PDE4D: variants seen among roughly 807,000 people sequenced by gnomAD.
The protein encoded by PDE4D is 3',5'-cyclic-AMP phosphodiesterase 4D.
Under a neutral mutation model 87.4 loss-of-function variants are expected in PDE4D, and 24 were observed. That is an observed-to-expected ratio of 0.27 (90% CI 0.20 to 0.39). The LOEUF is 0.39. PDE4D is among the 10% of genes least tolerant of loss of function. The pLI, the probability that PDE4D is intolerant of heterozygous loss-of-function variation, is 1.00. For synonymous variants in PDE4D, 384 were observed against 383.2 expected (o/e 1.00, Z -0.02); for missense variants, 714 against 1,041.0 (o/e 0.69, Z 4.32).
In PDE4D at chr5:59,617,348, G is replaced by T. The variant is rs917768164; in HGVS notation, c.455+275820C>A. On this transcript the variant is annotated intron_variant, in intron 1 of 14. Coordinates refer to ENST00000340635, the MANE Select transcript of PDE4D (RefSeq NM_001104631.2). Reference sequence around the variant, plus strand: ...CTACAATGTGGACTCTAAAATAAGAGATTAAAAGCTAATATTGATCTATGA... The same window carrying T: ...CTACAATGTGGACTCTAAAATAAGATATTAAAAGCTAATATTGATCTATGA... Among the ~76,000 whole-genome samples the T allele has an allele frequency of 3.3e-5, 5 of 152,174 alleles. No individual in the cohort carries two copies. In the East Asian group the frequency reaches 9.7e-4, roughly 30 times the overall value.
chr5:60,252,046 C>T (rs1748532616), intron 1 of PDE4D, among the ~76,000 whole-genome samples: 2 of 152,044 alleles, frequency 1.3e-5, no homozygotes, highest in South Asian at 4.1e-4. Flanking sequence ...AGTGCAGTAG[C>T]AAGCTGTACA....
chr5:60,053,506 G>A (rs997447448), intron 2 of PDE4D, among the ~76,000 whole-genome samples: 1 of 152,114 alleles, frequency 6.6e-6, no homozygotes, highest in Admixed American at 6.6e-5. Flanking sequence ...AACTGAAACT[G>A]GACCCCTTCC....
At position 60,329,284 on chromosome 5, in the gene PDE4D, G is replaced by A. The variant is rs533858859; in HGVS notation, c.-89-143597C>T. Among the ~76,000 whole-genome samples, 11 of 152,270 alleles carry A rather than the reference G, an allele frequency of 7.2e-5. No homozygotes were observed. The East Asian group carries it at 2.1e-3, about 29-fold the overall frequency. ...TTCCATGCAGTTCTTATAATGGTGA[G>A]TGAGTTCTCATGAGATCTGATGGTT... is the stretch of plus-strand genomic sequence containing the variant. On this transcript the variant is annotated intron_variant, in intron 1 of 16. Coordinates refer to the PDE4D transcript ENST00000502484.
Position 60,459,155 on chromosome 5 carries a change from T to C in PDE4D, c.-90+28787A>G, listed in dbSNP as rs117701601. ...ACAAAATTACAATAGAGAAAGTCAA[T>C]TCCAAATAAGATCCTACAGGTTCTT... On this transcript the variant is annotated intron_variant, in intron 1 of 16. Transcript: ENST00000502484. 1.0e-3 allele frequency among the ~76,000 whole-genome samples: 155 copies of C among 152,248 alleles called. 1 individual carries two copies. The East Asian group carries it at 0.026, about 25-fold the overall frequency.
intron 1 of PDE4D, among the ~76,000 whole-genome samples, chr5:59,224,720 T>C (rs1226636036): frequency 6.6e-6 from 1 of 152,182 alleles, no homozygotes; most frequent in Non-Finnish European, 1.5e-5. Context: ...CGAGGCCATA[T>C]GGATGAGGCC....
intron 1 of PDE4D, among the ~76,000 whole-genome samples, chr5:59,533,863 G>T (rs746320791): frequency 1.1e-4 from 17 of 152,110 alleles, no homozygotes; most frequent in Non-Finnish European, 1.8e-4. Flanking sequence ...AATCTTGTTT[G>T]ATAGTGTATA....
intron 1 of PDE4D, among the ~76,000 whole-genome samples, chr5:59,286,013 T>C (rs1766883529): frequency 1.3e-5 from 2 of 152,212 alleles, no homozygotes; most frequent in African/African-American, 4.8e-5. Context: ...ATCCTTCCTT[T>C]CTTTTACCTC....
At chr5:59,056,420 T>C (rs1045647378) in intron 5 of PDE4D, among the ~76,000 whole-genome samples, 1 of 152,080 alleles carries the variant, frequency 6.6e-6, no homozygotes, top group South Asian at 2.1e-4. Flanking sequence ...AAGGAGTTTT[T>C]TTGTTTGTTT....
chr5:60,346,946 T>C (rs1007016248), intron 1 of PDE4D, among the ~76,000 whole-genome samples: 1 of 152,146 alleles, frequency 6.6e-6, no homozygotes, highest in African/African-American at 2.4e-5. Context: ...CCACAAACAA[T>C]GCATTGTTCT....
At chr5:59,017,647 A>G (rs35924466) in intron 6 of PDE4D, among the ~76,000 whole-genome samples, 15,652 of 127,118 alleles carry the variant, frequency 0.12, 1,047 homozygotes, top group South Asian at 0.16. Context: ...AGAATAGACT[A>G]CATCCATCAA....
At chr5:59,496,812 G>A (rs1406887473) in intron 1 of PDE4D, among the ~76,000 whole-genome samples, 1 of 152,142 alleles carries the variant, frequency 6.6e-6, no homozygotes, top group African/African-American at 2.4e-5. Context: ...GCTCTCCCCA[G>A]CGGAACCGAG....
chr5:59,413,836 G>T (rs147053121), intron 1 of PDE4D, among the ~76,000 whole-genome samples: 333 of 152,290 alleles, frequency 2.2e-3, no homozygotes, highest in African/African-American at 7.5e-3. Context: ...CTCCTAGAAT[G>T]ATGCTTTCTT....
intron 1 of PDE4D, among the ~76,000 whole-genome samples, chr5:60,240,570 C>T (rs560858697): frequency 4.6e-5 from 7 of 152,222 alleles, no homozygotes; most frequent in African/African-American, 1.7e-4. Flanking sequence ...TACAGCAGGC[C>T]TTGGACAAGA....
At chr5:60,110,376 T>C (rs374230728) in intron 2 of PDE4D, among the ~76,000 whole-genome samples, 5 of 152,088 alleles carry the variant, frequency 3.3e-5, no homozygotes, top group African/African-American at 9.6e-5. Context: ...GAATAGACAC[T>C]TTTCAAAAGA....
chr5:60,152,817 G>C (rs1781633026), intron 2 of PDE4D, among the ~76,000 whole-genome samples: 1 of 151,988 alleles, frequency 6.6e-6, no homozygotes, highest in Admixed American at 6.6e-5. Flanking sequence ...GTGTTTCTAG[G>C]AATTTATTTC....
intron 5 of PDE4D, among the ~76,000 whole-genome samples, chr5:59,109,541 G>A (rs1301791684): frequency 6.6e-6 from 1 of 152,154 alleles, no homozygotes; most frequent in Non-Finnish European, 1.5e-5. Flanking sequence ...AATTGCAGGA[G>A]GTCGCTGAAT....
chr5:60,125,075 T>A (rs1036545093), intron 2 of PDE4D, among the ~76,000 whole-genome samples: 2 of 152,198 alleles, frequency 1.3e-5, no homozygotes, highest in African/African-American at 2.4e-5. Context: ...CCTATTTATC[T>A]ATGGTAACTC....
At chr5:59,965,360 A>G (rs1276557365) in intron 3 of PDE4D, among the ~76,000 whole-genome samples, 1 of 152,100 alleles carries the variant, frequency 6.6e-6, no homozygotes, top group African/African-American at 2.4e-5. Context: ...TGGCTTCCTC[A>G]AGTCCTCTAA....
chr5:59,040,559 G>A (rs999889150), intron 5 of PDE4D, among the ~76,000 whole-genome samples: 1 of 152,230 alleles, frequency 6.6e-6, no homozygotes, highest in African/African-American at 2.4e-5. Flanking sequence ...AAGGCATACA[G>A]AAAAGCCTGT....
Sources: allele counts gnomAD v4.1 joint callset (sites outside exome capture counted in the v4.1 genomes callset), GRCh38; gene constraint gnomAD v4.1.1; transcripts MANE v1.5; gene names NCBI Gene and HGNC (gene_info 2026-07-23, HGNC 2026-07-21).